Variants in ATP11C observed in about 807,000 individuals in gnomAD.
ATP11C encodes phospholipid-transporting ATPase IG.
Under a neutral mutation model 97.4 loss-of-function variants are expected in ATP11C, and 36 were observed. That is an observed-to-expected ratio of 0.37 (90% confidence interval 0.28 to 0.49). The LOEUF (loss-of-function observed/expected upper bound fraction) is 0.49. ATP11C is among the 20% of genes least tolerant of loss of function. ATP11C has a pLI of 0.98. For missense variants in ATP11C, 730 were observed against 824.6 expected, an observed-to-expected ratio of 0.89 and a Z score of 1.40; for synonymous variants, 275 against 290.9, an observed-to-expected ratio of 0.95 and a Z score of 0.56.
intron 1 of ATP11C, among the ~76,000 whole-genome samples, chrX:139,844,284 T>C (rs930183581): frequency 8.9e-6 from 1 of 112,402 alleles, no homozygotes; most frequent in Non-Finnish European, 1.9e-5. Context: ...AAGGTTATGA[T>C]AAATGACTCA....
chrX:139,819,317 G>A, intron 3 of ATP11C, 21 bp downstream of exon 3: 1 of 785,022 alleles, frequency 1.3e-6, no homozygotes, highest in Non-Finnish European at 1.8e-6. Context: ...AAAGTTAAGT[G>A]GCTGTTTAAG....
intron 1 of ATP11C, among the ~76,000 whole-genome samples, chrX:139,841,665 T>G (rs1054297004): frequency 7.1e-5 from 8 of 112,617 alleles, no homozygotes; most frequent in Non-Finnish European, 1.5e-4. Flanking sequence ...CAGTGAATCT[T>G]GTGTAGAAGA....
chrX:139,752,492 T>G (rs1262371743), intron 23 of ATP11C, among the ~76,000 whole-genome samples: 2 of 111,891 alleles, frequency 1.8e-5, no homozygotes, highest in Non-Finnish European at 3.8e-5. Flanking sequence ...CTAAGAAGAC[T>G]GAAGACAATC....
intron 1 of ATP11C, among the ~76,000 whole-genome samples, chrX:139,832,648 A>C (rs915128139): frequency 8.9e-6 from 1 of 112,293 alleles, no homozygotes; most frequent in Non-Finnish European, 1.9e-5. Context: ...GTTGAATTGA[A>C]CTTTTAGTTG....
intron 1 of ATP11C, among the ~76,000 whole-genome samples, chrX:139,883,098 A>G (rs756317032): frequency 5.4e-5 from 6 of 111,823 alleles, no homozygotes; most frequent in Non-Finnish European, 1.1e-4. Context: ...AAGCACCTCT[A>G]TGTATGCTTC....
intron 1 of ATP11C, among the ~76,000 whole-genome samples, chrX:139,844,311 A>G (rs1445174509): frequency 8.9e-6 from 1 of 112,488 alleles, no homozygotes; most frequent in African/African-American, 3.2e-5. Context: ...GGTTGAATGC[A>G]AGGAGTAGCA....
At chrX:139,771,563 G>C (rs1021100878) in intron 19 of ATP11C, among the ~76,000 whole-genome samples, 1 of 111,551 alleles carries the variant, frequency 9.0e-6, no homozygotes, top group Non-Finnish European at 1.9e-5. Context: ...GACACTTGTT[G>C]AATGGCTTTG....
chrX:139,860,710 C>T lies in ATP11C; in HGVS notation c.28-33887G>A, dbSNP rs148596810. Among the ~76,000 whole-genome samples the T allele has an allele frequency of 3.6e-3, 403 of 111,798 alleles. 3 individuals carry two copies. The highest frequency in any genetic ancestry group is 0.013 in the African/African-American group (389 of 30,711). On this transcript the variant is annotated intron_variant, in intron 1 of 29. Transcript: ENST00000682941. ...ATGCACATCTGTAATCCCAGCTATT[C>T]GTGAGGCTGAGGCAGAAGAATCGCT... is the stretch of plus-strand genomic sequence containing the variant.
intron 28 of ATP11C, among the ~76,000 whole-genome samples, chrX:139,733,468 T>C (rs1164767363): frequency 8.9e-6 from 1 of 112,302 alleles, no homozygotes; most frequent in Non-Finnish European, 1.9e-5. Flanking sequence ...TTCCAGAAGA[T>C]TCTAATAAAC....
intron 18 of ATP11C, among the ~76,000 whole-genome samples, chrX:139,780,448 T>TAGGAA (rs1186979618): frequency 9.1e-6 from 1 of 109,849 alleles, no homozygotes; most frequent in Non-Finnish European, 1.9e-5. Context: ...AAAACAAAAA[T>TAGGAA]TATATGATCA....
At chrX:139,816,386 A>C (rs2083288084) in intron 4 of ATP11C, among the ~76,000 whole-genome samples, 2 of 111,792 alleles carry the variant, frequency 1.8e-5, no homozygotes, top group South Asian at 7.5e-4. Context: ...TCCATATCAC[A>C]ATCTGTGGCA....
chrX:139,782,090 G>T (rs768232678), intron 18 of ATP11C, among the ~76,000 whole-genome samples: 1 of 111,264 alleles, frequency 9.0e-6, no homozygotes, highest in South Asian at 3.8e-4. Context: ...ACTTTGGGAG[G>T]CTGAGGCGGA....
intron 1 of ATP11C, among the ~76,000 whole-genome samples, chrX:139,867,579 G>A (rs1277936015): frequency 8.9e-6 from 1 of 112,005 alleles, no homozygotes; most frequent in Non-Finnish European, 1.9e-5. Flanking sequence ...AGGAGCTACA[G>A]GCAAGTGTGA....
In ATP11C at chrX:139,857,864, A is replaced by C. The variant is rs759809763; in HGVS notation, c.28-31041T>G. Among the ~76,000 whole-genome samples the C allele has an allele frequency of 3.6e-5, 4 of 112,096 alleles. No individual in the cohort carries two copies. The South Asian group carries it at 1.5e-3, about 42-fold the overall frequency. On this transcript the variant is annotated intron_variant, in intron 1 of 29. Coordinates refer to ENST00000682941, the MANE Select transcript of ATP11C (RefSeq NM_001353812.2). ...CATATGTGAGAAGGACATGGGTTTCAGGGCCTCAGGAACAGAAAGTTATGG... is the reference window on the plus strand; with the variant it reads ...CATATGTGAGAAGGACATGGGTTTCCGGGCCTCAGGAACAGAAAGTTATGG...
chrX:139,833,817 C>T (rs5954743), intron 1 of ATP11C, among the ~76,000 whole-genome samples: 1,606 of 110,540 alleles, frequency 0.015, 25 homozygotes, highest in African/African-American at 0.051. Flanking sequence ...CAAAATGAGA[C>T]CTGGAGAAAA....
chrX:139,846,929 A>T (rs1360403419), intron 1 of ATP11C, among the ~76,000 whole-genome samples: 1 of 107,872 alleles, frequency 9.3e-6, no homozygotes, highest in Non-Finnish European at 1.9e-5. Context: ...AAATGCCTGT[A>T]CAAAAAAAAA....
intron 1 of ATP11C, among the ~76,000 whole-genome samples, chrX:139,851,947 T>C (rs2083996335): frequency 9.0e-6 from 1 of 110,718 alleles, no homozygotes; most frequent in Admixed American, 9.6e-5. Context: ...CACATTAGGA[T>C]GAATCATGCC....
At chrX:139,856,631 C>T (rs985234817) in intron 1 of ATP11C, among the ~76,000 whole-genome samples, 1 of 112,244 alleles carries the variant, frequency 8.9e-6, no homozygotes, top group African/African-American at 3.2e-5. Flanking sequence ...TTGACTCTCA[C>T]GTCTATTTAG....
rs775519980 is a variant in ATP11C at position 139,753,506 on chromosome X, G to A, written c.2701-3354C>T. Among the ~76,000 whole-genome samples the A allele has an allele frequency of 5.4e-5, 6 of 111,601 alleles. No individual in the cohort carries two copies. The East Asian group carries it at 1.4e-3, about 26-fold the overall frequency. On this transcript the variant is annotated intron_variant, in intron 23 of 29. Coordinates refer to ENST00000682941, the MANE Select transcript of ATP11C (RefSeq NM_001353812.2). ...GGGAAATTTATAGCACTAAACACCC[G>A]CATCAAAAAGTTAAAAAGAGGGCCG...
Sources: gnomAD v4.1 joint callset for allele counts (sites outside exome capture counted in the v4.1 genomes callset) on GRCh38, gnomAD v4.1.1 for gene constraint, MANE v1.5 for transcripts, NCBI Gene and HGNC (gene_info 2026-07-23, HGNC 2026-07-21) for gene names.